TMEM69: variants seen among roughly 807,000 people sequenced by gnomAD.
TMEM69 encodes the protein chromosome 1 open reading frame 154.
A neutral mutation model predicts 15.8 loss-of-function variants in TMEM69; 17 were observed. The observed-to-expected ratio is 1.07, with a 90% CI of 0.73 to 1.61. The LOEUF is 1.61. TMEM69 is among the 40% of genes most tolerant of loss of function. The probability of loss-of-function intolerance (pLI) is 0.00; values close to 1 mark genes in which losing one functional copy is unlikely to be tolerated. For missense variants in TMEM69, 230 were observed against 286.1 expected (o/e 0.80, Z 1.41); for synonymous variants, 80 against 98.6 (o/e 0.81, Z 1.12).
At chr1:45,689,300 A>G (rs1645327365) in intron 1 of TMEM69, among the ~76,000 whole-genome samples, 1 of 152,086 alleles carries the variant, frequency 6.6e-6, no homozygotes, top group African/African-American at 2.4e-5. Context: ...CTAGATCCAT[A>G]TTATCATTCA....
chr1:45,693,471 G>A lies in TMEM69; in HGVS notation c.310G>A (p.Gly104Arg), dbSNP rs1363095438. ...GCCAGCATTATGTGTAACTCTGGCAGGACTAATCCCCTTCGTTGCTCCACC... is the reference window on the plus strand; with the variant it reads ...GCCAGCATTATGTGTAACTCTGGCAAGACTAATCCCCTTCGTTGCTCCACC... ...PKPALCVTLA[G>R]LIPFVAPPLV... Residue 104 changes from glycine (G) to arginine (R), a missense_variant, in exon 3 of 3, where the codon GGA becomes AGA. By Grantham distance (125) the Gly-to-Arg change is moderately radical (BLOSUM62 -2). Transcript: ENST00000372025. 7.4e-6 allele frequency: 12 copies of A among 1,614,054 alleles called. No homozygotes were observed. Among genetic ancestry groups the A allele is most frequent in the Non-Finnish European group, 6.8e-6 (8 of 1,180,048 alleles).
Position 45,694,263 on chromosome 1 carries a change from C to G in TMEM69, c.*358C>G. 1 of 587,250 alleles carries G rather than the reference C, an allele frequency of 1.7e-6. No homozygotes were observed. Among genetic ancestry groups the G allele is most frequent in the Non-Finnish European group, 3.0e-6 (1 of 330,850 alleles). 36.4% of individuals were successfully genotyped at this position (587,250 alleles called of 1,614,324 possible). A position where few individuals can be genotyped will look rare whatever the true frequency, so the allele number is the denominator to read the frequency against. On this transcript the variant is annotated 3_prime_UTR_variant, in exon 3 of 3. Coordinates refer to ENST00000372025, the MANE Select transcript of TMEM69 (RefSeq NM_016486.4). ...TATCTTCACAGATTGTTCTTCATTT[C>G]TAGAAATTGTTACTTCATGGTAATT...
At position 45,694,141 on chromosome 1, in the gene TMEM69, A is replaced by AT; in HGVS notation, c.*236_*237insT. On this transcript the variant is annotated 3_prime_UTR_variant, in exon 3 of 3. Coordinates refer to ENST00000372025, the MANE Select transcript of TMEM69 (RefSeq NM_016486.4). The stretch of plus-strand genomic sequence containing the variant: ...TTACTTTTTAGTTAAAAGTTTTAAA[A>AT]ATATATATATATAAATACACTGTAG... 1 of 293,700 alleles carries AT rather than the reference A, an allele frequency of 3.4e-6. No homozygotes were observed. Among genetic ancestry groups the AT allele is most frequent in the African/African-American group, 3.2e-5 (1 of 31,092 alleles). 18.2% of individuals were successfully genotyped at this position (293,700 alleles called of 1,614,324 possible).
rs776832374 is a variant in TMEM69, at chr1:45,691,047, A to C, written c.-22A>C. 2.5e-6 allele frequency: 4 copies of C among 1,614,166 alleles called. No individual in the cohort carries two copies. The Admixed American group carries it at 6.7e-5, about 27-fold the overall frequency. On this transcript the variant is annotated 5_prime_UTR_variant, in exon 2 of 3. Coordinates refer to ENST00000372025, the MANE Select transcript of TMEM69 (RefSeq NM_016486.4). ...AGAACTACCTGGCATCTTCCTGAAC[A>C]AGACTTTCAATAGGGGCCAGTATGC...
chr1:45,691,868 C>A (rs796357830), intron 2 of TMEM69, among the ~76,000 whole-genome samples: 3 of 78,722 alleles, frequency 3.8e-5, no homozygotes, highest in African/African-American at 8.4e-5. Context: ...AAAAATAAGG[C>A]CAGGCACGGT....
intron 2 of TMEM69, among the ~76,000 whole-genome samples, chr1:45,692,518 C>A (rs1027326381): frequency 1.3e-5 from 2 of 152,186 alleles, no homozygotes; most frequent in African/African-American, 2.4e-5. Flanking sequence ...TCCTGGCTCT[C>A]AAGTCTACTG....
intron 1 of TMEM69, among the ~76,000 whole-genome samples, chr1:45,690,216 T>C (rs1645335883): frequency 6.6e-6 from 1 of 152,134 alleles, no homozygotes; most frequent in Non-Finnish European, 1.5e-5. Context: ...AATGAGTTAA[T>C]GCTCACCGGG....
chr1:45,691,582 G>A lies in TMEM69; in HGVS notation c.42+472G>A, dbSNP rs1645345338. Among the ~76,000 whole-genome samples, 3 of 152,124 alleles carry A rather than the reference G, an allele frequency of 2.0e-5. No individual in the cohort carries two copies. The South Asian group carries it at 6.2e-4, about 32-fold the overall frequency. On this transcript the variant is annotated intron_variant, in intron 2 of 2. Transcript: ENST00000372025. ...TGGCTAGGTGCCGTGGCTTACGGCT[G>A]AAATCCCAGCACTTTGGGAGTTGAG...
intron 1 of TMEM69, among the ~76,000 whole-genome samples, chr1:45,689,112 G>T (rs1215949198): frequency 6.6e-6 from 1 of 151,802 alleles, no homozygotes; most frequent in African/African-American, 2.4e-5. Flanking sequence ...GGTTCACTAC[G>T]TTGGCCAGGC....
Position 45,693,961 on chromosome 1 carries a change from G to A in TMEM69, c.*56G>A. 1 of 1,242,248 alleles carries A rather than the reference G, an allele frequency of 8.0e-7. No individual in the cohort carries two copies. Among genetic ancestry groups the A allele is most frequent in the Non-Finnish European group, 1.1e-6 (1 of 909,528 alleles). The allele number at this position is 1,242,248 out of a possible 1,614,324, so 77.0% of individuals were successfully genotyped here. A position where few individuals can be genotyped will look rare whatever the true frequency, so the allele number is the denominator to read the frequency against. On this transcript the variant is annotated 3_prime_UTR_variant, in exon 3 of 3. Coordinates refer to ENST00000372025, the MANE Select transcript of TMEM69 (RefSeq NM_016486.4). ...CCTCTGCCCAGCTGCTGCCCCGTCTGGGAAGTGAGGAGCGCCTCTGCCTGG... is the reference window on the plus strand; with the variant it reads ...CCTCTGCCCAGCTGCTGCCCCGTCTAGGAAGTGAGGAGCGCCTCTGCCTGG...
At chr1:45,689,163 C>T (rs1557730709) in intron 1 of TMEM69, among the ~76,000 whole-genome samples, 2 of 152,054 alleles carry the variant, frequency 1.3e-5, no homozygotes, top group Admixed American at 6.6e-5. Context: ...CCACCTCGGC[C>T]TCCCAAACTG....
chr1:45,691,395 T>A (rs1414548852), intron 2 of TMEM69, among the ~76,000 whole-genome samples: 1 of 152,120 alleles, frequency 6.6e-6, no homozygotes, highest in East Asian at 1.9e-4. Flanking sequence ...TACAAAAAAT[T>A]AGCTGGGCAT....
rs1645341306 is a variant in TMEM69 at position 45,691,039 on chromosome 1, TC to T, written c.-28del. On this transcript the variant is annotated 5_prime_UTR_variant, in exon 2 of 3. The change abolishes the stop of an existing upstream ORF in the 5' untranslated region. Transcript: ENST00000372025. ...TGTTAATCAGAACTACCTGGCATCT[TC>T]CTGAACAAGACTTTCAATAGGGGCC... is the stretch of plus-strand genomic sequence containing the variant. 4 of 1,613,938 alleles carry T rather than the reference TC, an allele frequency of 2.5e-6. No individual in the cohort carries two copies. Among genetic ancestry groups the T allele is most frequent in the Admixed American group, 3.3e-5 (2 of 60,008 alleles).
Position 45,694,014 on chromosome 1 carries a change from A to G in TMEM69, c.*109A>G, listed in dbSNP as rs2148541051. 1 of 697,940 alleles carries G rather than the reference A, an allele frequency of 1.4e-6. No individual in the cohort carries two copies. Among genetic ancestry groups the G allele is most frequent in the East Asian group, 2.8e-5 (1 of 36,148 alleles). 43.2% of individuals were successfully genotyped at this position (697,940 alleles called of 1,614,324 possible). A position where few individuals can be genotyped will look rare whatever the true frequency, so the allele number is the denominator to read the frequency against. ...GCCTGACCATCTGGGAAGTGTGACAAGCGCCTCTGCCCGGCCGCTGTGCAA... is the reference window on the plus strand; with the variant it reads ...GCCTGACCATCTGGGAAGTGTGACAGGCGCCTCTGCCCGGCCGCTGTGCAA... On this transcript the variant is annotated 3_prime_UTR_variant, in exon 3 of 3. Coordinates refer to ENST00000372025, the MANE Select transcript of TMEM69 (RefSeq NM_016486.4).
At chr1:45,693,110 A>G (rs1645355494) in intron 2 of TMEM69, 94 bp from the exon 3 acceptor site, 1 of 917,502 alleles carries the variant, frequency 1.1e-6, no homozygotes, top group Non-Finnish European at 1.6e-6. Context: ...GCTCCTTTCA[A>G]ACAATCCCCA....
At position 45,691,058 on chromosome 1, in the gene TMEM69, T is replaced by C. The variant is rs773205108; in HGVS notation, c.-11T>C. 1.9e-5 allele frequency: 31 copies of C among 1,614,060 alleles called. No individual in the cohort carries two copies. The Middle Eastern group carries it at 9.9e-4, about 51-fold the overall frequency. ...GCATCTTCCTGAACAAGACTTTCAATAGGGGCCAGTATGCTTCGCTTCATC... is the reference window on the plus strand; with the variant it reads ...GCATCTTCCTGAACAAGACTTTCAACAGGGGCCAGTATGCTTCGCTTCATC... On this transcript the variant is annotated 5_prime_UTR_variant, in exon 2 of 3. An upstream open reading frame in the 5' UTR loses its in-frame stop. Transcript: ENST00000372025.
Position 45,688,901 on chromosome 1 carries a change from C to G in TMEM69, c.-96+626C>G, listed in dbSNP as rs1645322251. ...TCTGTGATCAATAAATTAGTTCAAT[C>G]GATTTTTTTTTTTTTTTTTTGAGAC... On this transcript the variant is annotated intron_variant, in intron 1 of 2. Coordinates refer to ENST00000372025, the MANE Select transcript of TMEM69 (RefSeq NM_016486.4). Among the ~76,000 whole-genome samples, 3 of 133,036 alleles carry G rather than the reference C, an allele frequency of 2.3e-5. No homozygotes were observed. The South Asian group carries it at 7.5e-4, about 33-fold the overall frequency. 87.3% of individuals were successfully genotyped at this position (133,036 alleles called of 152,430 possible).
chr1:45,689,850 G>A (rs1333481948), intron 1 of TMEM69, among the ~76,000 whole-genome samples: 1 of 151,684 alleles, frequency 6.6e-6, no homozygotes, highest in Non-Finnish European at 1.5e-5. Flanking sequence ...AAAAAAATTG[G>A]CTGGGCATGG....
intron 2 of TMEM69, 95 bp downstream of exon 2, chr1:45,691,205 A>T: frequency 9.7e-7 from 1 of 1,032,146 alleles, no homozygotes; most frequent in East Asian, 2.5e-5. Flanking sequence ...TTACCCTTGT[A>T]TATTCAGGTG....
Sources: gnomAD v4.1 joint callset for allele counts (sites outside exome capture counted in the v4.1 genomes callset) on GRCh38, gnomAD v4.1.1 for gene constraint, MANE v1.5 for transcripts, NCBI Gene and HGNC (gene_info 2026-07-23, HGNC 2026-07-21) for gene names.